The following EDIL3 variants were observed in gnomAD, a reference collection of about 807,000 sequenced individuals.
EDIL3 encodes the protein EGF like and discoidin domains 3.
In EDIL3, 37 loss-of-function variants were observed where a neutral mutation model predicts 67.4. The observed-to-expected ratio is 0.55, with a 90% CI of 0.42 to 0.72. The LOEUF is 0.72. Among genes scored for constraint, EDIL3 ranks in the 30% least tolerant of loss-of-function variants. The pLI is 0.00. For synonymous variants in EDIL3, 195 were observed against 196.3 expected (o/e 0.99, Z 0.05); for missense variants, 527 against 586.3 (o/e 0.90, Z 1.04).
chr5:84,062,695 G>C (rs981402679), intron 8 of EDIL3, among the ~76,000 whole-genome samples: 3 of 152,100 alleles, frequency 2.0e-5, no homozygotes, highest in Non-Finnish European at 2.9e-5. Flanking sequence ...CTTCTAGGCA[G>C]GGTGAAAGAT....
At chr5:84,349,581 C>T (rs1429986424) in intron 1 of EDIL3, among the ~76,000 whole-genome samples, 2 of 151,866 alleles carry the variant, frequency 1.3e-5, no homozygotes, top group South Asian at 4.2e-4. Flanking sequence ...ATATAAATTC[C>T]ATTTTTAAAT....
chr5:84,259,161 A>G (rs1171591723), intron 1 of EDIL3, among the ~76,000 whole-genome samples: 2 of 151,842 alleles, frequency 1.3e-5, no homozygotes. Context: ...GGGTTTCACC[A>G]TGTTAGCCAG....
chr5:83,961,109 C>CA (rs755924141), intron 10 of EDIL3, among the ~76,000 whole-genome samples: 21 of 150,688 alleles, frequency 1.4e-4, no homozygotes, highest in Non-Finnish European at 3.0e-4. Context: ...GATTTCAGAG[C>CA]AAAAAATAGT....
chr5:84,037,952 AG>A (rs1184598748), intron 9 of EDIL3, among the ~76,000 whole-genome samples: 2 of 150,496 alleles, frequency 1.3e-5, no homozygotes, highest in African/African-American at 4.9e-5. Context: ...AAACAGCAAA[AG>A]GTGCTGGGAT....
intron 1 of EDIL3, among the ~76,000 whole-genome samples, chr5:84,362,656 T>C (rs893133225): frequency 6.6e-6 from 1 of 152,156 alleles, no homozygotes; most frequent in Non-Finnish European, 1.5e-5. Context: ...GCACAAACAA[T>C]TCATCCTGGA....
chr5:84,349,626 G>A (rs1054072671), intron 1 of EDIL3, among the ~76,000 whole-genome samples: 4 of 151,944 alleles, frequency 2.6e-5, no homozygotes, highest in African/African-American at 9.7e-5. Flanking sequence ...TCATCTTTCT[G>A]TGAATATAGA....
intron 9 of EDIL3, among the ~76,000 whole-genome samples, chr5:83,997,084 T>C (rs770073420): frequency 6.6e-6 from 1 of 152,144 alleles, no homozygotes; most frequent in Non-Finnish European, 1.5e-5. Context: ...ATATACTGGT[T>C]GGTATGGCAG....
intron 9 of EDIL3, among the ~76,000 whole-genome samples, chr5:84,047,283 A>G (rs1402339530): frequency 1.3e-5 from 2 of 152,126 alleles, no homozygotes; most frequent in Non-Finnish European, 2.9e-5. Context: ...TTAAATATTA[A>G]GTAAGTATTT....
intron 3 of EDIL3, among the ~76,000 whole-genome samples, chr5:84,222,702 C>T (rs746565243): frequency 6.6e-6 from 1 of 151,798 alleles, no homozygotes; most frequent in African/African-American, 2.4e-5. Flanking sequence ...GATGCCATCT[C>T]ATTATGGTTT....
intron 1 of EDIL3, among the ~76,000 whole-genome samples, chr5:84,321,322 C>G (rs1489885168): frequency 6.6e-6 from 1 of 152,054 alleles, no homozygotes; most frequent in Non-Finnish European, 1.5e-5. Context: ...TATAAGTACT[C>G]TAAGCTCTTG....
At chr5:84,348,498 T>A (rs1354717914) in intron 1 of EDIL3, among the ~76,000 whole-genome samples, 1 of 152,102 alleles carries the variant, frequency 6.6e-6, no homozygotes, top group East Asian at 1.9e-4. Context: ...CTAAGCTTCC[T>A]TATTCAAAAA....
chr5:84,240,440 A>C (rs539480832), intron 2 of EDIL3, among the ~76,000 whole-genome samples: 27 of 152,298 alleles, frequency 1.8e-4, no homozygotes, highest in Non-Finnish European at 3.1e-4. Flanking sequence ...CAGGGTCTCC[A>C]ACTTCCATGG....
chr5:84,346,058 T>A (rs1257921826), intron 1 of EDIL3, among the ~76,000 whole-genome samples: 1 of 152,102 alleles, frequency 6.6e-6, no homozygotes, highest in Non-Finnish European at 1.5e-5. Flanking sequence ...TTTATTCTTT[T>A]AGTCATTCAT....
chr5:84,104,324 C>A (rs1411908634), intron 6 of EDIL3, among the ~76,000 whole-genome samples: 1 of 151,532 alleles, frequency 6.6e-6, no homozygotes, highest in Non-Finnish European at 1.5e-5. Context: ...ACAACAAAAA[C>A]CCCATGACAT....
At chr5:84,112,221 A>G (rs1747577492) in intron 5 of EDIL3, among the ~76,000 whole-genome samples, 1 of 152,220 alleles carries the variant, frequency 6.6e-6, no homozygotes, top group Non-Finnish European at 1.5e-5. Flanking sequence ...ACTGTGCCAT[A>G]AAGAGTAGAT....
chr5:84,297,158 G>C (rs1746067004), intron 1 of EDIL3, among the ~76,000 whole-genome samples: 1 of 145,274 alleles, frequency 6.9e-6, no homozygotes, highest in Admixed American at 7.0e-5. Flanking sequence ...CTCCAGCCTG[G>C]GCGACAGAGC....
chr5:83,960,704 T>A lies in EDIL3; in HGVS notation c.1293+2501A>T, dbSNP rs913437452. Among the ~76,000 whole-genome samples the A allele has an allele frequency of 1.4e-4, 21 of 150,778 alleles. 1 individual carries two copies. Among genetic ancestry groups the A allele is most frequent in the Admixed American group, 8.0e-4 (12 of 15,066 alleles). ...ATATGTATCACAAATCCTGAAGCAA[T>A]CACAAAAATAGCAAAACGTTATGGC... On this transcript the variant is annotated intron_variant, in intron 10 of 10. Transcript: ENST00000296591.
At chr5:84,070,006 C>A (rs1746708730) in intron 6 of EDIL3, among the ~76,000 whole-genome samples, 1 of 151,896 alleles carries the variant, frequency 6.6e-6, no homozygotes, top group Non-Finnish European at 1.5e-5. Flanking sequence ...GGCCATCGAC[C>A]CATGGAATGA....
chr5:84,383,384 C>T (rs1214495905), intron 1 of EDIL3, among the ~76,000 whole-genome samples: 4 of 152,220 alleles, frequency 2.6e-5, no homozygotes, highest in African/African-American at 7.2e-5. Context: ...TCGCAGGGGA[C>T]CTGGAAGTCG....
Sources: gnomAD v4.1 joint callset for allele counts (sites outside exome capture counted in the v4.1 genomes callset) on GRCh38, gnomAD v4.1.1 for gene constraint, MANE v1.5 for transcripts, NCBI Gene and HGNC (gene_info 2026-07-23, HGNC 2026-07-21) for gene names.